MTARC1: variants seen among roughly 807,000 people sequenced by gnomAD.
MTARC1 encodes mitochondrial amidoxime-reducing component 1.
MTARC1 carries 24 observed loss-of-function variants against 33.6 expected under a neutral mutation model. The ratio of observed to expected loss-of-function variants is 0.72; its 90% CI spans 0.52 to 1.01. MTARC1 has a LOEUF of 1.01. MTARC1 is among the 50% of genes least tolerant of loss of function. The pLI, the probability that MTARC1 is intolerant of heterozygous loss-of-function variation, is 0.00. For missense variants in MTARC1, 417 were observed against 445.7 expected, an observed-to-expected ratio of 0.94 and a Z score of 0.58; for synonymous variants, 187 against 189.5, an observed-to-expected ratio of 0.99 and a Z score of 0.11.
intron 6 of MTARC1, 122 bp from the exon 7 acceptor site, chr1:220,813,170 T>C: frequency 7.4e-7 from 1 of 1,351,312 alleles, no homozygotes; most frequent in Non-Finnish European, 1.0e-6. Context: ...CTGTTGAGCT[T>C]TGACGGGATG....
At chr1:220,812,646 T>A (rs965944420) in intron 6 of MTARC1, among the ~76,000 whole-genome samples, 2 of 151,864 alleles carry the variant, frequency 1.3e-5, no homozygotes, top group East Asian at 3.9e-4. Flanking sequence ...GTGGTTCAGG[T>A]GACAGACATG....
At chr1:220,796,843 C>T in intron 3 of MTARC1, 38 bp downstream of exon 3, 2 of 1,558,288 alleles carry the variant, frequency 1.3e-6, no homozygotes, top group Non-Finnish European at 1.7e-6. Flanking sequence ...AGAAAGCAGT[C>T]ACCCCCAGAT....
At chr1:220,789,523 G>A (rs1235208862) in intron 1 of MTARC1, among the ~76,000 whole-genome samples, 1 of 152,172 alleles carries the variant, frequency 6.6e-6, no homozygotes, top group African/African-American at 2.4e-5. Flanking sequence ...AGCTGTCCTG[G>A]GCCACGGGTT....
chr1:220,813,078 T>C (rs374931095), intron 6 of MTARC1, among the ~76,000 whole-genome samples: 4 of 152,166 alleles, frequency 2.6e-5, no homozygotes, highest in African/African-American at 9.7e-5. Context: ...AGAGAAAAGA[T>C]GTGGGGATGT....
At chr1:220,803,912 A>G (rs1672890378) in intron 4 of MTARC1, among the ~76,000 whole-genome samples, 1 of 152,084 alleles carries the variant, frequency 6.6e-6, no homozygotes, top group Non-Finnish European at 1.5e-5. Flanking sequence ...TGTGCTTGAG[A>G]TCCATTTTAT....
At chr1:220,799,417 G>A (rs1397280579) in intron 4 of MTARC1, among the ~76,000 whole-genome samples, 1 of 152,132 alleles carries the variant, frequency 6.6e-6, no homozygotes, top group Non-Finnish European at 1.5e-5. Context: ...AATAATCAGT[G>A]TTTGGTTGCC....
At chr1:220,800,006 T>C (rs1315529169) in intron 4 of MTARC1, among the ~76,000 whole-genome samples, 5 of 152,190 alleles carry the variant, frequency 3.3e-5, no homozygotes, top group Non-Finnish European at 5.9e-5. Context: ...TACCAGCTTT[T>C]TCCCTATGAT....
intron 6 of MTARC1, among the ~76,000 whole-genome samples, chr1:220,809,491 CAATTTAATTT>C (rs144260621): frequency 1.3e-5 from 2 of 150,032 alleles, no homozygotes; most frequent in Admixed American, 1.3e-4. Flanking sequence ...TCTAATTCTT[CAATTTAATTT>C]AATTTAATTT....
chr1:220,796,095 A>C (rs2102592732), intron 2 of MTARC1, among the ~76,000 whole-genome samples: 1 of 152,184 alleles, frequency 6.6e-6, no homozygotes, highest in South Asian at 2.1e-4. Flanking sequence ...AATCAAATCC[A>C]GTAGATTATT....
chr1:220,801,360 C>T (rs1488344891), intron 4 of MTARC1, among the ~76,000 whole-genome samples: 3 of 152,086 alleles, frequency 2.0e-5, no homozygotes. Flanking sequence ...CCCCACAGCA[C>T]ACACCCCACC....
chr1:220,813,195 TGTGC>T, intron 6 of MTARC1, 93 bp from the exon 7 acceptor site: 11 of 1,529,626 alleles, frequency 7.2e-6, no homozygotes, highest in Non-Finnish European at 9.9e-6. Context: ...CCTCTCGAGC[TGTGC>T]GTGCGGAGGC....
intron 6 of MTARC1, 139 bp from the exon 7 acceptor site, chr1:220,813,153 C>A: frequency 8.9e-7 from 1 of 1,124,680 alleles, no homozygotes; most frequent in Non-Finnish European, 1.3e-6. Context: ...CTCCAGGAGG[C>A]GCTGTTCTGT....
At chr1:220,804,041 GTC>G (rs1245842694) in intron 4 of MTARC1, among the ~76,000 whole-genome samples, 2 of 152,156 alleles carry the variant, frequency 1.3e-5, no homozygotes, top group African/African-American at 2.4e-5. Flanking sequence ...TTAACTCCAG[GTC>G]TTTGCCTTCC....
At chr1:220,810,187 A>G (rs1333827235) in intron 6 of MTARC1, among the ~76,000 whole-genome samples, 2 of 152,266 alleles carry the variant, frequency 1.3e-5, no homozygotes, top group African/African-American at 2.4e-5. Context: ...CAACAGGAAT[A>G]CATATATGAA....
Position 220,797,895 on chromosome 1 carries a change from C to A in MTARC1, c.634C>A (p.Pro212Thr), listed in dbSNP as rs1296009504. 6.2e-7 allele frequency: 1 copy of A among 1,614,076 alleles called. No individual in the cohort carries two copies. The highest frequency in any genetic ancestry group is 1.3e-5 in the African/African-American group (1 of 74,918). The stretch of plus-strand genomic sequence containing the variant: ...TCAGATTGCTTACTCAGACACCAGC[C>A]CATTCTTGATCCTTTCTGAGGCGTC... ...KDQIAYSDTS[P>T]FLILSEASLA... Residue 212 changes from proline (P) to threonine (T), a missense_variant, in exon 4 of 7, where the codon CCA becomes ACA. Pro to Thr is a conservative substitution (Grantham distance 38). Coordinates refer to ENST00000366910, the MANE Select transcript of MTARC1 (RefSeq NM_022746.4).
chr1:220,807,833 G>C (rs1673014847), intron 6 of MTARC1, among the ~76,000 whole-genome samples: 1 of 152,088 alleles, frequency 6.6e-6, no homozygotes, highest in Admixed American at 6.6e-5. Context: ...CAGTCTTCCT[G>C]TTTTCCATGG....
intron 6 of MTARC1, among the ~76,000 whole-genome samples, chr1:220,810,587 A>G (rs1673100368): frequency 6.6e-6 from 1 of 152,190 alleles, no homozygotes; most frequent in Admixed American, 6.5e-5. Context: ...CGACCTGTGC[A>G]GTTTAGGGAG....
intron 3 of MTARC1, 152 bp downstream of exon 3, chr1:220,796,957 C>T (rs535828761): frequency 7.3e-5 from 60 of 823,112 alleles, no homozygotes; most frequent in Non-Finnish European, 1.0e-4. Flanking sequence ...AAAGCCCTTC[C>T]CTTGGAAGCA....
In MTARC1 at chr1:220,791,605, C is replaced by T; in HGVS notation, c.390C>T (p.Tyr130=). ...ACACCCTGACTCTCAGTGCAGCCTACACAAAGGACCTACTACTGCCTATCA... is the reference window on the plus strand; with the variant it reads ...ACACCCTGACTCTCAGTGCAGCCTATACAAAGGACCTACTACTGCCTATCA... ...DGDTLTLSAA[Y]TKDLLLPIKT... is the part of the protein sequence containing the mutation. Residue 130 remains tyrosine, a synonymous_variant, in exon 2 of 7, where the codon TAC becomes TAT. Coordinates refer to ENST00000366910, the MANE Select transcript of MTARC1 (RefSeq NM_022746.4). The T allele has an allele frequency of 6.2e-7, 1 of 1,614,152 alleles. No individual in the cohort carries two copies. Among genetic ancestry groups the T allele is most frequent in the South Asian group, 1.1e-5 (1 of 91,076 alleles).
Sources: gnomAD v4.1 joint callset for allele counts (sites outside exome capture counted in the v4.1 genomes callset) on GRCh38, gnomAD v4.1.1 for gene constraint, MANE v1.5 for transcripts, NCBI Gene and HGNC (gene_info 2026-07-23, HGNC 2026-07-21) for gene names.